The following CLCNKB variants were observed in gnomAD, a reference collection of about 807,000 sequenced individuals.
The protein encoded by CLCNKB is chloride channel protein ClC-Kb.
CLCNKB carries 74 observed loss-of-function variants against 83.8 expected under a neutral mutation model. The observed-to-expected ratio is 0.88, with a 90% CI of 0.73 to 1.07. The LOEUF is 1.07. CLCNKB is among the 50% of genes least tolerant of loss of function. CLCNKB has a pLI of 0.00. For synonymous variants in CLCNKB, 358 were observed against 356.6 expected, an observed-to-expected ratio of 1.00 and a Z score of -0.04; for missense variants, 798 against 893.6, an observed-to-expected ratio of 0.89 and a Z score of 1.36.
At position 16,046,567 on chromosome 1, in the gene CLCNKB, A is replaced by C. The variant is rs5256; in HGVS notation, c.262A>C (p.Ser88Arg). The change falls in exon 4 of 20, where the codon AGC becomes CGC. Residue 88 changes from serine to arginine, a missense_variant. Transcript: ENST00000375679. The stretch of plus-strand genomic sequence containing the variant: ...GTGGCTGTACAGGGAGATTGGGGAC[A>C]GCCACCTGCTCCGGTATCTCTCCTG... The part of the protein sequence containing the change: ...HQWLYREIGD[S>R]HLLRYLSWTV... 6.7e-3 allele frequency: 10,880 copies of C among 1,614,072 alleles called. 692 individuals are homozygous for C. The African/African-American group carries it at 0.13, about 19-fold the overall frequency.
rs1197118409 is a variant in CLCNKB at position 16,046,653 on chromosome 1, C to T, written c.348C>T (p.Pro116=). 2.2e-5 allele frequency: 36 copies of T among 1,613,926 alleles called. No individual in the cohort carries two copies. Among genetic ancestry groups the T allele is most frequent in the Non-Finnish European group, 3.0e-5 (35 of 1,179,982 alleles). ...FSSGFSQSIT[P]SSGGSGIPEV... is the part of the protein sequence containing the mutation. ...CAGGCTTCTCTCAGAGCATCACACC[C>T]TCCTCTGGAGGTGAGTCCACAGTCG... Residue 116 remains proline (P), a synonymous_variant, in exon 4 of 20, where the codon CCC becomes CCT. Transcript: ENST00000375679.
At chr1:16,044,050 T>C (rs1274215214) in intron 1 of CLCNKB, among the ~76,000 whole-genome samples, 170 bp downstream of exon 1, 1 of 151,776 alleles carries the variant, frequency 6.6e-6, no homozygotes, top group South Asian at 2.1e-4. Flanking sequence ...GGGGTGCTCA[T>C]AGGTGGACAG....
At chr1:16,047,040 G>A (rs2023123118) in intron 4 of CLCNKB, among the ~76,000 whole-genome samples, 1 of 152,196 alleles carries the variant, frequency 6.6e-6, no homozygotes, top group African/African-American at 2.4e-5. Context: ...GATTTCATCC[G>A]GGCTTCCCCT....
In CLCNKB at chr1:16,051,756, C is replaced by T. The variant is rs1161559672; in HGVS notation, c.1344C>T (p.Phe448=). 1.2e-6 allele frequency: 2 copies of T among 1,613,950 alleles called. No individual in the cohort carries two copies. Among genetic ancestry groups the T allele is most frequent in the South Asian group, 1.1e-5 (1 of 91,086 alleles). The change falls in exon 14 of 20, where the codon TTC becomes TTT. Residue 448 remains phenylalanine, a synonymous_variant. Coordinates refer to ENST00000375679, the MANE Select transcript of CLCNKB (RefSeq NM_000085.5). The part of the protein sequence containing the change: ...RLFGETLSFI[F]PEGIVAGGIT... ...TTGGGGAGACTCTCTCTTTTATCTT[C>T]CCTGAGGGCATCGTGGCTGGAGGGA...
chr1:16,050,845 C>T lies in CLCNKB; in HGVS notation c.1054-30C>T, dbSNP rs372482510. 4.3e-6 allele frequency: 7 copies of T among 1,610,806 alleles called. No individual in the cohort carries two copies. The African/African-American group carries it at 8.0e-5, about 18-fold the overall frequency. On this transcript the variant is annotated intron_variant, in intron 11 of 19. Coordinates refer to ENST00000375679, the MANE Select transcript of CLCNKB (RefSeq NM_000085.5). ...CTGGGGTCTGCCGCTGGGGGCCCCT[C>T]ATGTCCAGTTCCCACCTGCCCCGCC... is the stretch of plus-strand genomic sequence containing the variant.
chr1:16,046,703 ACCT>A (rs1223664219), intron 4 of CLCNKB, 40 bp downstream of exon 4: 9 of 1,536,468 alleles, frequency 5.9e-6, no homozygotes, highest in African/African-American at 1.5e-5. Context: ...ACTGGCCAAA[ACCT>A]TCTCAGATCC....
At chr1:16,051,151 C>T in intron 12 of CLCNKB, 103 bp downstream of exon 12, 2 of 1,554,136 alleles carry the variant, frequency 1.3e-6, no homozygotes, top group Admixed American at 3.6e-5. Flanking sequence ...GGCCTTCCAC[C>T]CACATTTCCT....
chr1:16,049,027 G>T (rs1306686899), intron 7 of CLCNKB, 93 bp from the exon 8 acceptor site: 2 of 1,610,918 alleles, frequency 1.2e-6, no homozygotes, highest in Non-Finnish European at 1.7e-6. Flanking sequence ...GAGCAGGACA[G>T]ATGGGTCAGG....
Position 16,053,813 on chromosome 1 carries a change from T to A in CLCNKB, c.1756+41T>A, listed in dbSNP as rs371873995. 2.1e-5 allele frequency: 34 copies of A among 1,612,390 alleles called. No individual in the cohort carries two copies. In the African/African-American group the frequency reaches 3.6e-4, roughly 17 times the overall value. ...GGAGGAGGAAGTCGGGGGTAGGGGA[T>A]GCCCTCTGCCTCCTTCTTGAACCTG... On this transcript the variant is annotated intron_variant, in intron 16 of 19. Coordinates refer to ENST00000375679, the MANE Select transcript of CLCNKB (RefSeq NM_000085.5).
intron 12 of CLCNKB, 56 bp from the exon 13 acceptor site, chr1:16,051,422 G>T (rs1436664710): frequency 6.3e-7 from 1 of 1,593,348 alleles, no homozygotes; most frequent in Non-Finnish European, 8.6e-7. Flanking sequence ...GTCCTCCCTT[G>T]TCCACGCCTT....
intron 12 of CLCNKB, 68 bp downstream of exon 12, chr1:16,051,116 A>G (rs1334311476): frequency 6.8e-6 from 11 of 1,608,892 alleles, no homozygotes; most frequent in Non-Finnish European, 8.5e-6. Context: ...GGGGTACCTC[A>G]TCGCAGCTGG....
At chr1:16,045,471 T>C in intron 2 of CLCNKB, 87 bp from the exon 3 acceptor site, 1 of 1,535,446 alleles carries the variant, frequency 6.5e-7, no homozygotes, top group Non-Finnish European at 8.9e-7. Flanking sequence ...CCCCAGCCTC[T>C]CTGCCTGAAG....
In CLCNKB at chr1:16,049,225, C is replaced by A. The variant is rs762613611; in HGVS notation, c.761C>A (p.Ala254Glu). 3 of 1,613,850 alleles carry A rather than the reference C, an allele frequency of 1.9e-6. No individual in the cohort carries two copies. The highest frequency in any genetic ancestry group is 2.5e-6 in the Non-Finnish European group (3 of 1,179,962). ...GGGGCCTTCATGTTCCGGCTCCTGG[C>A]GGTCTTCAACAGCGAGCAGGGTGAG... Reference protein sequence around the residue: ...TCGAFMFRLLAVFNSEQETIT... With the variant: ...TCGAFMFRLLEVFNSEQETIT... The change falls in exon 8 of 20, where the codon GCG (alanine) becomes GAG (glutamate). Residue 254 changes from alanine to glutamate, a missense_variant. Physicochemically the swap from Ala to Glu is moderately radical, Grantham distance 107. Coordinates refer to ENST00000375679, the MANE Select transcript of CLCNKB (RefSeq NM_000085.5).
At chr1:16,045,792 C>CG in intron 3 of CLCNKB, 106 bp downstream of exon 3, 1 of 527,726 alleles carries the variant, frequency 1.9e-6, no homozygotes, top group Non-Finnish European at 3.6e-6. Flanking sequence ...GGGGGGTGCT[C>CG]TGGGTGGGGA....
chr1:16,055,674 G>A lies in CLCNKB; in HGVS notation c.1846-1G>A, dbSNP rs745416661. On this transcript the variant is annotated splice_acceptor_variant, in intron 17 of 19. Transcript: ENST00000375679. LOFTEE classifies it high-confidence loss of function. ...CACCTGTAACCCTTCCCCACCCCCA[G>A]CAGTGTCTCCAGGACATCTTGGCTG... The A allele has an allele frequency of 5.0e-6, 8 of 1,613,798 alleles. No homozygotes were observed. In the Admixed American group the frequency reaches 1.0e-4, roughly 20 times the overall value.
chr1:16,050,751 C>T (rs1443715878), intron 11 of CLCNKB, 124 bp from the exon 12 acceptor site: 2 of 1,537,270 alleles, frequency 1.3e-6, no homozygotes, highest in African/African-American at 2.7e-5. Flanking sequence ...GGTCAGAGCC[C>T]TGCCCAAGGC....
intron 13 of CLCNKB, 41 bp from the exon 14 acceptor site, chr1:16,051,669 C>T (rs748649020): frequency 2.0e-5 from 32 of 1,605,260 alleles, no homozygotes; most frequent in South Asian, 5.5e-5. Context: ...CTGTGGGGGC[C>T]GGGTCAGCCT....
Position 16,050,532 on chromosome 1 carries a change from G to A in CLCNKB, c.985G>A (p.Ala329Thr), listed in dbSNP as rs776413329. The change falls in exon 11 of 20, where the codon GCT becomes ACT. Residue 329 changes from alanine to threonine, a missense_variant. Physicochemically the swap from Ala to Thr is moderately conservative, Grantham distance 58 (BLOSUM62 0). Coordinates refer to ENST00000375679, the MANE Select transcript of CLCNKB (RefSeq NM_000085.5). ...CCCCCACAGCAAGCCTGTGTACTCC[G>A]CTCTGGCCACCTTGGTTCTCGCCTC... ...LLATSKPVYS[A>T]LATLVLASIT... 3 of 1,614,000 alleles carry A rather than the reference G, an allele frequency of 1.9e-6. No individual in the cohort carries two copies. The highest frequency in any genetic ancestry group is 2.5e-6 in the Non-Finnish European group (3 of 1,179,974).
In CLCNKB at chr1:16,048,576, T is replaced by C; in HGVS notation, c.649T>C (p.Phe217Leu). Residue 217 changes from phenylalanine (F) to leucine (L), a missense_variant, in exon 7 of 20, where the codon TTC (phenylalanine) becomes CTC (leucine). By Grantham distance (22) the Phe-to-Leu change is conservative. Coordinates refer to ENST00000375679, the MANE Select transcript of CLCNKB (RefSeq NM_000085.5). ...VGVATVFAAPFSGVLFSIEVM... is the reference protein window; with the variant it reads ...VGVATVFAAPLSGVLFSIEVM... ...CGTGGCCACAGTCTTTGCAGCTCCC[T>C]TCAGCGGTGAGACCCCTTCATGCCC... is the stretch of plus-strand genomic sequence containing the variant. 6.2e-7 allele frequency: 1 copy of C among 1,613,228 alleles called. No homozygotes were observed. The highest frequency in any genetic ancestry group is 8.5e-7 in the Non-Finnish European group (1 of 1,179,598).
Sources: gnomAD v4.1 joint callset for allele counts (sites outside exome capture counted in the v4.1 genomes callset) on GRCh38, gnomAD v4.1.1 for gene constraint, MANE v1.5 for transcripts, NCBI Gene and HGNC (gene_info 2026-07-23, HGNC 2026-07-21) for gene names.